CDH22: variants seen among roughly 807,000 people sequenced by gnomAD.
CDH22 encodes the protein cadherin 22, also known as cadherin-22.
A neutral mutation model predicts 58.4 loss-of-function variants in CDH22; 30 were observed. That is an observed-to-expected ratio of 0.51 (90% confidence interval 0.38 to 0.70). CDH22 has a LOEUF of 0.70. Among genes scored for constraint, CDH22 ranks in the 30% least tolerant of loss-of-function variants. CDH22 has a pLI of 0.00. For synonymous variants in CDH22, 513 were observed against 558.2 expected (o/e 0.92, Z 1.14); for missense variants, 1,014 against 1,233.9 (o/e 0.82, Z 2.67).
chr20:46,236,976 G>A (rs2086258001), intron 3 of CDH22, among the ~76,000 whole-genome samples: 1 of 152,102 alleles, frequency 6.6e-6, no homozygotes, highest in Non-Finnish European at 1.5e-5. Context: ...TACAGGCATG[G>A]GCCACCGCAC....
chr20:46,287,348 C>G (rs1441497009), intron 1 of CDH22, among the ~76,000 whole-genome samples: 1 of 152,176 alleles, frequency 6.6e-6, no homozygotes, highest in Non-Finnish European at 1.5e-5. Context: ...TATTAACTCA[C>G]GACTTCATTA....
intron 1 of CDH22, among the ~76,000 whole-genome samples, chr20:46,273,256 C>T (rs1384036456): frequency 1.3e-5 from 2 of 152,238 alleles, no homozygotes; most frequent in Non-Finnish European, 2.9e-5. Flanking sequence ...TTTCTATGCT[C>T]TCTAAGTTCT....
rs1428753249 is a variant in CDH22, at chr20:46,212,297, C to T, written c.1032+698G>A. On this transcript the variant is annotated intron_variant, in intron 6 of 11. Coordinates refer to ENST00000537909, the MANE Select transcript of CDH22 (RefSeq NM_021248.3). ...ATATACAAACAAAGGCCTATGACCA[C>T]TTGTGGGCCAGTGCAGGGGACTTAG... Among the ~76,000 whole-genome samples, 6 of 152,316 alleles carry T rather than the reference C, an allele frequency of 3.9e-5. No individual in the cohort carries two copies. In the East Asian group the frequency reaches 1.2e-3, roughly 29 times the overall value.
intron 4 of CDH22, chr20:46,220,780 C>G (rs2086118255): frequency 2.0e-5 from 3 of 152,270 alleles, no homozygotes; most frequent in Admixed American, 2.0e-4. Flanking sequence ...GGTCCTGAAG[C>G]CTTGTGGTGT....
At chr20:46,212,449 G>C (rs920167853) in intron 6 of CDH22, among the ~76,000 whole-genome samples, 2 of 152,110 alleles carry the variant, frequency 1.3e-5, no homozygotes, top group African/African-American at 2.4e-5. Flanking sequence ...CCTAGGGATC[G>C]CTGAGTTTGC....
intron 4 of CDH22, among the ~76,000 whole-genome samples, chr20:46,223,776 CCTCT>C (rs1178971069): frequency 7.7e-6 from 1 of 129,808 alleles, no homozygotes; most frequent in Non-Finnish European, 1.7e-5. Flanking sequence ...TTCTTTCTTT[CCTCT>C]CTTTCTTTTT....
chr20:46,239,103 A>G (rs931500497), intron 3 of CDH22, among the ~76,000 whole-genome samples: 8 of 152,166 alleles, frequency 5.3e-5, no homozygotes, highest in Non-Finnish European at 1.0e-4. Context: ...TACTGGACCA[A>G]TGATCTAGTT....
chr20:46,237,647 C>A (rs375810692), intron 3 of CDH22, among the ~76,000 whole-genome samples: 1 of 152,210 alleles, frequency 6.6e-6, no homozygotes, highest in Non-Finnish European at 1.5e-5. Flanking sequence ...GTCCCCCCCA[C>A]TCCCGACATT....
Position 46,251,618 on chromosome 20 carries a change from T to G in CDH22, c.-324A>C, listed in dbSNP as rs1476930021. On this transcript the variant is annotated 5_prime_UTR_variant, in exon 2 of 12. Coordinates refer to ENST00000537909, the MANE Select transcript of CDH22 (RefSeq NM_021248.3). This position sits in a 1 kb window ranked among gnomAD's most constrained non-coding sequence, Gnocchi z 6.7. ...CTCCAGAGTCGGGGAAGCGCCATGG[T>G]TCCTGCGCAGAAAGGATGCGGGTTG... The G allele has an allele frequency of 1.4e-5, 3 of 208,128 alleles. No homozygotes were observed. Among genetic ancestry groups the G allele is most frequent in the Non-Finnish European group, 2.8e-5 (3 of 105,564 alleles). The allele number at this position is 208,128 out of a possible 1,614,324, so 12.9% of individuals were successfully genotyped here. A position where few individuals can be genotyped will look rare whatever the true frequency, so the allele number is the denominator to read the frequency against.
At chr20:46,197,941 G>T (rs2085919452) in intron 8 of CDH22, among the ~76,000 whole-genome samples, 1 of 151,974 alleles carries the variant, frequency 6.6e-6, no homozygotes, top group South Asian at 2.1e-4. Context: ...GGGGCCTGGG[G>T]CAGAGGGGCC....
intron 10 of CDH22, among the ~76,000 whole-genome samples, chr20:46,178,697 G>A (rs2085761836): frequency 6.6e-6 from 1 of 150,992 alleles, no homozygotes; most frequent in African/African-American, 2.4e-5. Flanking sequence ...GGGTCCTTGG[G>A]TTGTGGTTTG....
chr20:46,292,482 C>G (rs967699382), intron 1 of CDH22, among the ~76,000 whole-genome samples: 5 of 152,218 alleles, frequency 3.3e-5, no homozygotes, highest in African/African-American at 1.2e-4. Flanking sequence ...TCTGTTTCCC[C>G]ATCTGAAAAA....
intron 4 of CDH22, among the ~76,000 whole-genome samples, chr20:46,222,580 C>T (rs995191624): frequency 3.3e-5 from 5 of 152,170 alleles, no homozygotes; most frequent in Admixed American, 6.5e-5. Flanking sequence ...TGGTGGTGGG[C>T]GGGGGCTGGT....
chr20:46,298,644 A>G (rs948340067), intron 1 of CDH22, among the ~76,000 whole-genome samples: 1 of 151,708 alleles, frequency 6.6e-6, no homozygotes, highest in African/African-American at 2.4e-5. Context: ...GAATGGGTGG[A>G]TGGATGGATG....
At chr20:46,197,065 G>C (rs2085909080) in intron 8 of CDH22, among the ~76,000 whole-genome samples, 1 of 152,122 alleles carries the variant, frequency 6.6e-6, no homozygotes, top group Non-Finnish European at 1.5e-5. Context: ...GTTGATGGAT[G>C]GGATGGGGGT....
intron 8 of CDH22, among the ~76,000 whole-genome samples, chr20:46,195,624 C>T (rs560622270): frequency 3.3e-5 from 5 of 150,088 alleles, no homozygotes; most frequent in South Asian, 2.1e-4. Flanking sequence ...ACCCCCCCCC[C>T]ACCCAGTCTC....
intron 8 of CDH22, among the ~76,000 whole-genome samples, chr20:46,192,532 G>A (rs2085868090): frequency 6.6e-6 from 1 of 151,638 alleles, no homozygotes; most frequent in South Asian, 2.1e-4. Context: ...GAGAAAGAGA[G>A]AAGTGAAGCT....
At chr20:46,219,443 A>G (rs531456996) in intron 4 of CDH22, among the ~76,000 whole-genome samples, 1 of 152,310 alleles carries the variant, frequency 6.6e-6, no homozygotes, top group African/African-American at 2.4e-5. Context: ...GGATTTCTCA[A>G]ACTTGGCACT....
chr20:46,214,520 T>C (rs1205342139), intron 5 of CDH22, among the ~76,000 whole-genome samples: 1 of 152,206 alleles, frequency 6.6e-6, no homozygotes, highest in Admixed American at 6.5e-5. Flanking sequence ...TGCAAGTCCC[T>C]TGGCCTGCCC....
Sources: gnomAD v4.1 joint callset for allele counts (sites outside exome capture counted in the v4.1 genomes callset) on GRCh38, gnomAD v4.1.1 for gene constraint, Gnocchi (gnomAD v3.1) non-coding constraint, MANE v1.5 for transcripts, NCBI Gene and HGNC (gene_info 2026-07-23, HGNC 2026-07-21) for gene names.